Variants in SIK3 observed in about 807,000 individuals in gnomAD.
The protein encoded by SIK3 is SIK family kinase 3, also known as serine/threonine-protein kinase SIK3.
SIK3 carries 28 observed loss-of-function variants against 144.2 expected under a neutral mutation model. The ratio of observed to expected loss-of-function variants is 0.19; its 90% confidence interval spans 0.14 to 0.27. The LOEUF is 0.27. Among genes scored for constraint, SIK3 ranks in the 10% least tolerant of loss-of-function variants. The pLI, the probability that SIK3 is intolerant of heterozygous loss-of-function variation, is 1.00. For missense variants in SIK3, 1,319 were observed against 1,776.0 expected (o/e 0.74, Z 4.62); for synonymous variants, 686 against 676.3 (o/e 1.01, Z -0.22).
chr11:117,064,452 A>T (rs1329298878), intron 1 of SIK3, among the ~76,000 whole-genome samples: 2 of 152,222 alleles, frequency 1.3e-5, no homozygotes, highest in Non-Finnish European at 2.9e-5. Flanking sequence ...CTGGTTCAGC[A>T]TTCTTCCAAC....
At chr11:117,023,621 A>ATATATATATATATATATAT (rs1555131640) in intron 1 of SIK3, among the ~76,000 whole-genome samples, 6 of 95,400 alleles carry the variant, frequency 6.3e-5, no homozygotes, top group African/African-American at 1.3e-4. Context: ...AAAAAAAAAA[A>ATATATATATATATATATAT]ATATATATAT....
At chr11:116,995,283 AG>A (rs1257334945) in intron 1 of SIK3, among the ~76,000 whole-genome samples, 1 of 141,062 alleles carries the variant, frequency 7.1e-6, no homozygotes, top group Non-Finnish European at 1.5e-5. Flanking sequence ...AAAAAAAAAA[AG>A]ACAGGGTCTC....
chr11:117,098,077 C>G (rs3741296), intron 1 of SIK3, 66 bp downstream of exon 1: 2 of 1,251,070 alleles, frequency 1.6e-6, no homozygotes, highest in East Asian at 3.9e-5. Context: ...GACCCCCCGG[C>G]TGGGGGGCGC....
Position 116,847,533 on chromosome 11 carries a change from C to T in SIK3, c.3895G>A (p.Val1299Ile). 6.2e-7 allele frequency: 1 copy of T among 1,614,228 alleles called. No individual in the cohort carries two copies. Among genetic ancestry groups the T allele is most frequent in the African/African-American group, 1.3e-5 (1 of 75,062 alleles). ...CCCATGAGCGAAGACTGACTGAGAACTGCATCCGACATCCGGGCAGAGCTA... is the reference window on the plus strand; with the variant it reads ...CCCATGAGCGAAGACTGACTGAGAATTGCATCCGACATCCGGGCAGAGCTA... ...ALSSARMSDA[V>I]LSQSSLMGSQ... is the part of the protein sequence containing the mutation. Residue 1299 changes from valine to isoleucine, a missense_variant, in exon 23 of 25, where the codon GTT becomes ATT. Coordinates refer to ENST00000445177, the MANE Select transcript of SIK3 (RefSeq NM_001366686.3).
intron 1 of SIK3, among the ~76,000 whole-genome samples, chr11:116,968,302 C>T (rs987339187): frequency 1.3e-5 from 2 of 152,016 alleles, no homozygotes; most frequent in African/African-American, 4.8e-5. Context: ...ACCACCATGC[C>T]CGGCTAATTT....
intron 4 of SIK3, among the ~76,000 whole-genome samples, chr11:116,917,870 G>GGAAAGGAAAGGAAAGGAAAGGAAA (rs1441421866): frequency 6.6e-6 from 1 of 151,580 alleles, no homozygotes; most frequent in African/African-American, 2.4e-5. Context: ...GGAAAGGAAA[G>GGAAAGGAAAGGAAAGGAAAGGAAA]GGAGAAACAA....
At chr11:116,905,399 T>C (rs1945973247) in intron 4 of SIK3, among the ~76,000 whole-genome samples, 1 of 152,232 alleles carries the variant, frequency 6.6e-6, no homozygotes, top group African/African-American at 2.4e-5. Flanking sequence ...CGACTAAAAA[T>C]AATGCTGCTA....
intron 1 of SIK3, among the ~76,000 whole-genome samples, chr11:117,038,936 G>T (rs1952627647): frequency 1.3e-5 from 2 of 152,022 alleles, no homozygotes; most frequent in Admixed American, 1.3e-4. Flanking sequence ...TCTAATCCCA[G>T]CTACTCGGGA....
chr11:117,033,360 A>G (rs546265476), intron 1 of SIK3, among the ~76,000 whole-genome samples: 1 of 152,272 alleles, frequency 6.6e-6, no homozygotes, highest in East Asian at 1.9e-4. Context: ...AATAACTTAC[A>G]TGTTTGTTGT....
At chr11:117,016,383 A>G (rs7130879) in intron 1 of SIK3, among the ~76,000 whole-genome samples, 12,564 of 38,158 alleles carry the variant, frequency 0.33, 1,105 homozygotes, top group Admixed American at 0.39. Context: ...AGGGAGGGAG[A>G]GAGGGAGGGA....
chr11:116,876,996 C>T lies in SIK3; in HGVS notation c.912G>A (p.Lys304=). 1 of 1,614,120 alleles carries T rather than the reference C, an allele frequency of 6.2e-7. No homozygotes were observed. The highest frequency in any genetic ancestry group is 8.5e-7 in the Non-Finnish European group (1 of 1,180,012). ...IRHMLVLDPN[K]RLSMEQICKH... Reference sequence around the variant, plus strand: ...TGCAGATCTGCTCCATGGAGAGGCGCTTATTGGGATCTAACACCAACATAT... The same window carrying T: ...TGCAGATCTGCTCCATGGAGAGGCGTTTATTGGGATCTAACACCAACATAT... Residue 304 remains lysine, a synonymous_variant, in exon 7 of 25, where the codon AAG becomes AAA. Transcript: ENST00000445177.
Position 116,896,304 on chromosome 11 carries a change from G to A in SIK3, c.814C>T (p.Arg272Trp). The A allele has an allele frequency of 6.2e-7, 1 of 1,613,918 alleles. No homozygotes were observed. The highest frequency in any genetic ancestry group is 8.5e-7 in the Non-Finnish European group (1 of 1,179,866). Residue 272 changes from arginine to tryptophan, a missense_variant, in exon 6 of 25, where the codon CGG becomes TGG. Physicochemically the swap from Arg to Trp is moderately radical, Grantham distance 101. This residue lies in a region of SIK3 where 125 missense variants were observed against 285.2 expected (regional missense o/e 0.44). Transcript: ENST00000445177. ...PFDGSTLQNL[R>W]ARVLSGKFRI... ...AACTTTCCACTCAGCACGCGGGCCC[G>A]CAGATTCTGCAGTGTGCTTCCATCA... is the stretch of plus-strand genomic sequence containing the variant.
At chr11:116,870,079 G>A (rs1045422288) in intron 14 of SIK3, 1 of 1,458,042 alleles carries the variant, frequency 6.9e-7, no homozygotes. Flanking sequence ...GAAGAAGGAG[G>A]GAGGAAAGAA....
intron 1 of SIK3, among the ~76,000 whole-genome samples, chr11:117,006,498 G>C (rs1034303681): frequency 6.6e-6 from 1 of 152,070 alleles, no homozygotes; most frequent in African/African-American, 2.4e-5. Flanking sequence ...GGTGGTGAGG[G>C]AGATCAGAAA....
At chr11:116,881,553 T>TG (rs1944551447) in intron 6 of SIK3, among the ~76,000 whole-genome samples, 3 of 152,170 alleles carry the variant, frequency 2.0e-5, no homozygotes, top group African/African-American at 4.8e-5. Context: ...TCTTTTTTTT[T>TG]GTCCTTGATA....
chr11:116,863,419 A>G (rs1418259538), intron 16 of SIK3, among the ~76,000 whole-genome samples: 1 of 152,002 alleles, frequency 6.6e-6, no homozygotes, highest in Non-Finnish European at 1.5e-5. Flanking sequence ...TGGGGGAGAA[A>G]GGGTTTGCCA....
chr11:117,050,457 G>A (rs990920509), intron 1 of SIK3, among the ~76,000 whole-genome samples: 8 of 151,694 alleles, frequency 5.3e-5, no homozygotes, highest in South Asian at 4.2e-4. Context: ...AGGCAGAGGC[G>A]GGCAGATCAC....
intron 1 of SIK3, among the ~76,000 whole-genome samples, chr11:117,042,527 G>A (rs1952790882): frequency 6.6e-6 from 1 of 152,096 alleles, no homozygotes; most frequent in African/African-American, 2.4e-5. Flanking sequence ...CACACATAAG[G>A]ATAAATAAAA....
intron 1 of SIK3, among the ~76,000 whole-genome samples, chr11:117,023,605 CAAACAA>C (rs200453113): frequency 0.35 from 22,014 of 63,360 alleles, 2,522 homozygotes; most frequent in Non-Finnish European, 0.39. Context: ...AACAAACAAA[CAAACAA>C]AAAAAAAAAA....
Sources: gnomAD v4.1 joint callset for allele counts (sites outside exome capture counted in the v4.1 genomes callset) on GRCh38, gnomAD v4.1.1 for gene constraint, gnomAD v4.1.1 regional missense constraint, MANE v1.5 for transcripts, NCBI Gene and HGNC (gene_info 2026-07-23, HGNC 2026-07-21) for gene names.